HS1BP3: variants seen among roughly 807,000 people sequenced by gnomAD.
The protein encoded by HS1BP3 is HCLS1-binding protein 3.
In HS1BP3, 32 loss-of-function variants were observed where a neutral mutation model predicts 33.5. The ratio of observed to expected loss-of-function variants is 0.95; its 90% CI spans 0.72 to 1.28. The LOEUF (loss-of-function observed/expected upper bound fraction) is 1.28, where lower values mean the gene tolerates loss of function less well. HS1BP3 is among the 50% of genes most tolerant of loss of function. HS1BP3 has a pLI of 0.00. For synonymous variants in HS1BP3, 187 were observed against 209.2 expected, an observed-to-expected ratio of 0.89 and a Z score of 0.92; for missense variants, 486 against 502.3, an observed-to-expected ratio of 0.97 and a Z score of 0.31.
At chr2:20,587,949 G>C (rs1403502535), downstream of HS1BP3, among the ~76,000 whole-genome samples, 1 of 151,772 alleles carries the variant, frequency 6.6e-6, no homozygotes, top group Non-Finnish European at 1.5e-5. Flanking sequence ...CAACCATCTG[G>C]CTGTTCCACA....
chr2:20,624,390 G>C (rs150281364), intron 5 of HS1BP3, among the ~76,000 whole-genome samples: 1 of 152,294 alleles, frequency 6.6e-6, no homozygotes, highest in East Asian at 1.9e-4. Context: ...CAAGGGATGA[G>C]TGGAGATGTC....
At chr2:20,577,772 C>T (rs1693436075) in intron 5 of HS1BP3, among the ~76,000 whole-genome samples, 1 of 152,214 alleles carries the variant, frequency 6.6e-6, no homozygotes, top group Non-Finnish European at 1.5e-5. Flanking sequence ...CTTGGAGCAG[C>T]AGATTAAAGT....
intron 5 of HS1BP3, among the ~76,000 whole-genome samples, chr2:20,564,187 G>A (rs1693069309): frequency 6.6e-6 from 1 of 152,190 alleles, no homozygotes; most frequent in African/African-American, 2.4e-5. Context: ...TCCTCAGGCT[G>A]GAAACCCCTC....
intron 4 of HS1BP3, among the ~76,000 whole-genome samples, chr2:20,631,280 G>A (rs866604196): frequency 9.9e-5 from 15 of 151,894 alleles, no homozygotes; most frequent in South Asian, 6.2e-4. Flanking sequence ...TTGGGAAGCC[G>A]AGGCAGGAGG....
intron 5 of HS1BP3, among the ~76,000 whole-genome samples, chr2:20,567,645 G>A (rs1042785278): frequency 1.7e-4 from 26 of 152,266 alleles, no homozygotes; most frequent in East Asian, 3.9e-4. Flanking sequence ...CTGGAATGCC[G>A]TGGGGCCAGA....
chr2:20,562,476 G>T (rs1283821271), intron 5 of HS1BP3, among the ~76,000 whole-genome samples: 1 of 152,086 alleles, frequency 6.6e-6, no homozygotes, highest in Admixed American at 6.6e-5. Flanking sequence ...GAGACCTTGT[G>T]TCTAAAAAAT....
chr2:20,578,698 C>T lies in HS1BP3; in HGVS notation c.303-18183G>A, dbSNP rs76115321. ...GGCTGGCCATGGGTGAGGCACTGGG[C>T]GTAGGCAATCTCCTACATGCTCATG... On this transcript the variant is annotated intron_variant, in intron 5 of 5. Transcript: ENST00000446825. 7.7e-3 allele frequency among the ~76,000 whole-genome samples: 1,178 copies of T among 152,262 alleles called. 17 individuals are homozygous for T. Among genetic ancestry groups the T allele is most frequent in the African/African-American group, 0.027 (1,102 of 41,540 alleles).
intron 2 of HS1BP3, among the ~76,000 whole-genome samples, chr2:20,643,892 T>C (rs1486965821): frequency 1.3e-5 from 2 of 152,174 alleles, no homozygotes; most frequent in Non-Finnish European, 2.9e-5. Flanking sequence ...ATGATCACAC[T>C]ACTGCACTCC....
At chr2:20,570,341 A>T (rs10190705) in intron 5 of HS1BP3, among the ~76,000 whole-genome samples, 9,639 of 152,200 alleles carry the variant, frequency 0.063, 493 homozygotes, top group South Asian at 0.17. Flanking sequence ...CCTTCAAATG[A>T]TCGCCGTCAG....
chr2:20,611,482 G>C lies in HS1BP3; in HGVS notation c.178+12414C>G, dbSNP rs1486967005. On this transcript the variant is annotated intron_variant, in intron 2 of 3. Transcript: ENST00000415264. The surrounding 1 kb of genome is among the most constrained non-coding windows in gnomAD (Gnocchi z 4.9). The stretch of plus-strand genomic sequence containing the variant: ...TGCGCAAAGTTCAGGGACCAGGAGA[G>C]GGAAACCGATGTGTTTACTTCCTGT... Among the ~76,000 whole-genome samples, 1 of 152,198 alleles carries C rather than the reference G, an allele frequency of 6.6e-6. No homozygotes were observed. Among genetic ancestry groups the C allele is most frequent in the Non-Finnish European group, 1.5e-5 (1 of 68,040 alleles).
chr2:20,613,484 G>A (rs1694354089), downstream of HS1BP3, among the ~76,000 whole-genome samples: 1 of 152,226 alleles, frequency 6.6e-6, no homozygotes, highest in Non-Finnish European at 1.5e-5. Context: ...CTTCTCCAGA[G>A]GGGCACTGCT....
At chr2:20,624,969 G>A (rs1243207602) in intron 4 of HS1BP3, 77 bp from the exon 5 acceptor site, 29 of 1,525,750 alleles carry the variant, frequency 1.9e-5, no homozygotes, top group African/African-American at 1.2e-4. Context: ...CGACACAGGC[G>A]CTGGGCCCTG....
intron 1 of HS1BP3, 109 bp downstream of exon 1, chr2:20,650,923 A>G (rs1384644535): frequency 2.5e-5 from 24 of 967,530 alleles, no homozygotes; most frequent in Non-Finnish European, 3.2e-5. Context: ...GGCGCTGGGG[A>G]GACCTGCACC....
intron 2 of HS1BP3, among the ~76,000 whole-genome samples, chr2:20,603,150 C>G (rs564585018): frequency 1.3e-5 from 2 of 152,278 alleles, no homozygotes; most frequent in South Asian, 4.1e-4. Context: ...GGCACAATTA[C>G]TTTAGAAAAC....
chr2:20,620,461 G>A (rs926072167), intron 6 of HS1BP3, among the ~76,000 whole-genome samples: 1 of 152,198 alleles, frequency 6.6e-6, no homozygotes, highest in Non-Finnish European at 1.5e-5. Flanking sequence ...GCTGGAATCA[G>A]GTGAGTGAAG....
In HS1BP3 at chr2:20,604,972, G is replaced by A. The variant is rs558595053; in HGVS notation, c.179-6707C>T. Among the ~76,000 whole-genome samples the A allele has an allele frequency of 7.2e-5, 11 of 152,262 alleles. No individual in the cohort carries two copies. In the South Asian group the frequency reaches 1.9e-3, roughly 26 times the overall value. On this transcript the variant is annotated intron_variant, in intron 2 of 3. Transcript: ENST00000415264. ...TGGGAGCGTTCATTTAAAGTCCCAC[G>A]GGAGAAAAGGAAAAAGAATCATGGA... is the stretch of plus-strand genomic sequence containing the variant.
At chr2:20,629,744 T>C (rs551609433) in intron 4 of HS1BP3, among the ~76,000 whole-genome samples, 12 of 152,362 alleles carry the variant, frequency 7.9e-5, no homozygotes, top group African/African-American at 2.9e-4. Context: ...CCCGCTTTCC[T>C]GCTGTGTATT....
Position 20,567,222 on chromosome 2 carries a change from C to T in HS1BP3, c.303-6707G>A, listed in dbSNP as rs181559284. Among the ~76,000 whole-genome samples the T allele has an allele frequency of 9.9e-5, 15 of 152,186 alleles. No homozygotes were observed. In the East Asian group the frequency reaches 2.7e-3, roughly 27 times the overall value. Reference sequence around the variant, plus strand: ...ACATCCTTAGTAAGTGGCAGCAGCACGGGACTCACATCAATATGGGTGACC... The same window carrying T: ...ACATCCTTAGTAAGTGGCAGCAGCATGGGACTCACATCAATATGGGTGACC... On this transcript the variant is annotated intron_variant, in intron 5 of 5. Coordinates refer to the HS1BP3 transcript ENST00000446825.
intron 6 of HS1BP3, chr2:20,622,503 T>C: frequency 2.7e-6 from 1 of 372,268 alleles, no homozygotes; most frequent in Non-Finnish European, 5.3e-6. Context: ...CATGTGGTGC[T>C]GGCCCGCGCA....
Sources: gnomAD v4.1 joint callset for allele counts (sites outside exome capture counted in the v4.1 genomes callset) on GRCh38, gnomAD v4.1.1 for gene constraint, Gnocchi (gnomAD v3.1) non-coding constraint, MANE v1.5 for transcripts, NCBI Gene and HGNC (gene_info 2026-07-23, HGNC 2026-07-21) for gene names.